TATDN2: variants seen among roughly 807,000 people sequenced by gnomAD.
TATDN2 encodes TatD DNase domain containing 2, also known as 3'-5' RNA nuclease TATDN2.
A neutral mutation model predicts 60.3 loss-of-function variants in TATDN2; 44 were observed. The observed-to-expected ratio is 0.73, with a 90% CI of 0.57 to 0.94. TATDN2 has a LOEUF of 0.94. Ranked by LOEUF, TATDN2 falls within the 40% of genes least tolerant of loss-of-function variation. The pLI, the probability that TATDN2 is intolerant of heterozygous loss-of-function variation, is 0.00. For missense variants in TATDN2, 997 were observed against 948.0 expected, an observed-to-expected ratio of 1.05 and a Z score of -0.68; for synonymous variants, 399 against 355.8, an observed-to-expected ratio of 1.12 and a Z score of -1.37.
rs755307422 is a variant in TATDN2, at chr3:10,278,292, G to A, written c.1975G>A (p.Gly659Ser). ...DYKIHRHCFT[G>S]SYPVIEPLLK... Reference sequence around the variant, plus strand: ...TTCTGTCTCCAGGCATTGCTTCACCGGCAGCTACCCGGTCATTGAGCCCCT... The same window carrying A: ...TTCTGTCTCCAGGCATTGCTTCACCAGCAGCTACCCGGTCATTGAGCCCCT... Residue 659 changes from glycine to serine, a missense_variant, in exon 6 of 8, where the codon GGC becomes AGC. Coordinates refer to ENST00000448281, the MANE Select transcript of TATDN2 (RefSeq NM_014760.4). This position sits in a 1 kb window ranked among gnomAD's most constrained non-coding sequence, Gnocchi z 4.7. 4 of 1,613,828 alleles carry A rather than the reference G, an allele frequency of 2.5e-6. No homozygotes were observed. Among genetic ancestry groups the A allele is most frequent in the South Asian group, 2.2e-5 (2 of 91,038 alleles).
In TATDN2 at chr3:10,267,065, G is replaced by A. The variant is rs912867300; in HGVS notation, c.949-3066G>A. On this transcript the variant is annotated intron_variant, in intron 3 of 7. Transcript: ENST00000448281. ...CTCCCGAGCAGCTGGGGTTACAGGC[G>A]TGCACAACCGCATTTGGCTAGTTTT... 4.6e-5 allele frequency among the ~76,000 whole-genome samples: 7 copies of A among 151,782 alleles called. No individual in the cohort carries two copies. In the South Asian group the frequency reaches 8.3e-4, roughly 18 times the overall value.
rs1698187122 is a variant in TATDN2, at chr3:10,249,430, G to A, written c.230G>A (p.Arg77Lys). 1 of 1,613,930 alleles carries A rather than the reference G, an allele frequency of 6.2e-7. No individual in the cohort carries two copies. ...TTATCCTGGGGCTCATCCCGCCGCA[G>A]AAATAACTCCTCCTCCTCCTTCTCC... Reference protein sequence around the residue: ...RRLSWGSSRRRNNSSSSFSPH... With the variant: ...RRLSWGSSRRKNNSSSSFSPH... Residue 77 changes from arginine (R) to lysine (K), a missense_variant, in exon 2 of 8, where the codon AGA becomes AAA. By Grantham distance (26) the Arg-to-Lys change is conservative (BLOSUM62 2). Transcript: ENST00000448281.
Position 10,249,630 on chromosome 3 carries a change from G to T in TATDN2, c.414+16G>T, listed in dbSNP as rs768205266. On this transcript the variant is annotated intron_variant, in intron 2 of 7. Transcript: ENST00000448281. ...CAGCCTTAAGGTAGGTGGCTGCCAC[G>T]CTTTGCAATCGGTGAAGCCCCTTCC... is the stretch of plus-strand genomic sequence containing the variant. The T allele has an allele frequency of 1.3e-5, 19 of 1,502,000 alleles. No homozygotes were observed. Among genetic ancestry groups the T allele is most frequent in the African/African-American group, 2.8e-5 (2 of 70,776 alleles). The allele number at this position is 1,502,000 out of a possible 1,614,324, so 93.0% of individuals were successfully genotyped here. A position where few individuals can be genotyped will look rare whatever the true frequency, so the allele number is the denominator to read the frequency against.
chr3:10,257,030 C>T (rs985264694), intron 2 of TATDN2, among the ~76,000 whole-genome samples: 5 of 151,782 alleles, frequency 3.3e-5, no homozygotes, highest in South Asian at 2.1e-4. Flanking sequence ...CACGGTGGCT[C>T]ATGCCTGTAA....
At position 10,249,623 on chromosome 3, in the gene TATDN2, C is replaced by A. The variant is rs377008533; in HGVS notation, c.414+9C>A. Reference sequence around the variant, plus strand: ...AAGCCTGCAGCCTTAAGGTAGGTGGCTGCCACGCTTTGCAATCGGTGAAGC... The same window carrying A: ...AAGCCTGCAGCCTTAAGGTAGGTGGATGCCACGCTTTGCAATCGGTGAAGC... On this transcript the variant is annotated intron_variant, in intron 2 of 7. Coordinates refer to ENST00000448281, the MANE Select transcript of TATDN2 (RefSeq NM_014760.4). The A allele has an allele frequency of 3.6e-4, 548 of 1,501,670 alleles. No homozygotes were observed. Among genetic ancestry groups the A allele is most frequent in the Non-Finnish European group, 4.3e-4 (486 of 1,125,770 alleles). The allele number at this position is 1,501,670 out of a possible 1,614,324, so 93.0% of individuals were successfully genotyped here.
In TATDN2 at chr3:10,260,282, A is replaced by C. The variant is rs1576007977; in HGVS notation, c.560A>C (p.Tyr187Ser). The C allele has an allele frequency of 2.5e-6, 4 of 1,614,220 alleles. No individual in the cohort carries two copies. The highest frequency in any genetic ancestry group is 3.4e-6 in the Non-Finnish European group (4 of 1,180,038). The change falls in exon 3 of 8, where the codon TAC (tyrosine) becomes TCC (serine). Residue 187 changes from tyrosine (Y) to serine (S), a missense_variant. By Grantham distance (144) the Tyr-to-Ser change is moderately radical. Coordinates refer to ENST00000448281, the MANE Select transcript of TATDN2 (RefSeq NM_014760.4). ...CGAGACCAGGGCTCCACAATGATCT[A>C]CCTGAAGGCTATCCAGGGCATCCTG... ...RLRDQGSTMI[Y>S]LKAIQGILGK...
Position 10,270,494 on chromosome 3 carries a change from G to C in TATDN2, c.1312G>C (p.Glu438Gln). 2 of 1,614,200 alleles carry C rather than the reference G, an allele frequency of 1.2e-6. No homozygotes were observed. The highest frequency in any genetic ancestry group is 2.2e-5 in the East Asian group (1 of 44,890). The change falls in exon 4 of 8, where the codon GAG becomes CAG. Residue 438 changes from glutamate to glutamine, a missense_variant. Coordinates refer to ENST00000448281, the MANE Select transcript of TATDN2 (RefSeq NM_014760.4). ...CACCTCCAGAGACATGGAGGCCTCA[G>C]AGGAAGGCTGGTCCCAGAATTCTCG... is the stretch of plus-strand genomic sequence containing the variant. ...QNTSRDMEASEEGWSQNSRSF... is the reference protein window; with the variant it reads ...QNTSRDMEASQEGWSQNSRSF...
intron 2 of TATDN2, among the ~76,000 whole-genome samples, chr3:10,251,226 C>T (rs1036822250): frequency 6.6e-6 from 1 of 151,932 alleles, no homozygotes. Context: ...GAGGAGTGGT[C>T]GCATGACTGC....
At position 10,264,978 on chromosome 3, in the gene TATDN2, A is replaced by G. The variant is rs1353175079; in HGVS notation, c.948+4308A>G. On this transcript the variant is annotated intron_variant, in intron 3 of 7. Transcript: ENST00000448281. ...GGCGTGAGCCACCGCGCCTGGCTCA[A>G]GTTTATCTTCTAACGTTTATGTTGA... 5.0e-5 allele frequency among the ~76,000 whole-genome samples: 7 copies of G among 139,968 alleles called. No homozygotes were observed. In the East Asian group the frequency reaches 1.0e-3, roughly 21 times the overall value. 91.8% of individuals were successfully genotyped at this position (139,968 alleles called of 152,430 possible).
Position 10,260,649 on chromosome 3 carries a change from C to A in TATDN2, c.927C>A (p.Asp309Glu). Residue 309 changes from aspartate (D) to glutamate (E), a missense_variant, in exon 3 of 8, where the codon GAC becomes GAA. Transcript: ENST00000448281. ...CCCTAGAGTTCTTGGATGACTCTGA[C>A]TCTCATTTAGAAATCCAAAAGGTGA... ...SPPLEFLDDS[D>E]SHLEIQKHKD... 6.2e-7 allele frequency: 1 copy of A among 1,613,404 alleles called. No individual in the cohort carries two copies.
In TATDN2 at chr3:10,278,777, AG is replaced by A; in HGVS notation, c.2146-105del. 1 of 1,542,220 alleles carries A rather than the reference AG, an allele frequency of 6.5e-7. No individual in the cohort carries two copies. The highest frequency in any genetic ancestry group is 8.8e-7 in the Non-Finnish European group (1 of 1,130,284). On this transcript the variant is annotated intron_variant, in intron 6 of 7. Transcript: ENST00000448281. This position sits in a 1 kb window ranked among gnomAD's most constrained non-coding sequence, Gnocchi z 4.7. ...CACCTGCAGGTAAAGGGGTCTCTACAGGGCAGCCCCAAAGAGGTCCTTGCTG... is the reference window on the plus strand; with the variant it reads ...CACCTGCAGGTAAAGGGGTCTCTACAGGCAGCCCCAAAGAGGTCCTTGCTG...
Position 10,268,101 on chromosome 3 carries a change from C to T in TATDN2, c.949-2030C>T, listed in dbSNP as rs934081978. ...GTGTATTGAATCACCAGATGCCCAT[C>T]ACCCAGCTTCAAGAGTTCAGATTAA... is the stretch of plus-strand genomic sequence containing the variant. On this transcript the variant is annotated intron_variant, in intron 3 of 7. Coordinates refer to ENST00000448281, the MANE Select transcript of TATDN2 (RefSeq NM_014760.4). 2.6e-5 allele frequency among the ~76,000 whole-genome samples: 4 copies of T among 152,222 alleles called. No individual in the cohort carries two copies. The East Asian group carries it at 7.7e-4, about 29-fold the overall frequency.
intron 4 of TATDN2, 143 bp downstream of exon 4, chr3:10,271,158 C>G (rs1698558252): frequency 3.0e-6 from 3 of 1,012,602 alleles, no homozygotes; most frequent in East Asian, 5.5e-5. Context: ...TCCAGACCAT[C>G]TAGATGCCAT....
chr3:10,260,085 G>A lies in TATDN2; in HGVS notation c.415-52G>A, dbSNP rs905488910. 56 of 1,551,082 alleles carry A rather than the reference G, an allele frequency of 3.6e-5. No homozygotes were observed. The Middle Eastern group carries it at 1.9e-3, about 52-fold the overall frequency. ...ATTTATAATTTGCCAAATGCTTCAT[G>A]TACGAAAGTGCCCTTGGAACAGCCC... On this transcript the variant is annotated intron_variant, in intron 2 of 7. Transcript: ENST00000448281.
intron 3 of TATDN2, among the ~76,000 whole-genome samples, chr3:10,262,719 G>C (rs1294148018): frequency 6.6e-6 from 1 of 150,772 alleles, no homozygotes; most frequent in Non-Finnish European, 1.5e-5. Flanking sequence ...ATTTTTGGTA[G>C]AGACAGAGTT....
intron 2 of TATDN2, among the ~76,000 whole-genome samples, chr3:10,255,450 C>T (rs578017806): frequency 1.1e-4 from 16 of 152,114 alleles, no homozygotes; most frequent in East Asian, 9.7e-4. Context: ...AGAAGTATGA[C>T]GGCTGTAGCA....
chr3:10,278,439 G>A lies in TATDN2; in HGVS notation c.2122G>A (p.Ala708Thr). The change falls in exon 6 of 8, where the codon GCT (alanine) becomes ACT (threonine). Residue 708 changes from alanine to threonine, a missense_variant. Coordinates refer to ENST00000448281, the MANE Select transcript of TATDN2 (RefSeq NM_014760.4). This position sits in a 1 kb window ranked among gnomAD's most constrained non-coding sequence, Gnocchi z 4.7. The stretch of plus-strand genomic sequence containing the variant: ...GGAGAGAATCATCGTGGAAACGGAT[G>A]CTCCCTATTTCCTCCCTCGCCAGGT... ...PLERIIVETD[A>T]PYFLPRQVPK... 1 of 1,613,604 alleles carries A rather than the reference G, an allele frequency of 6.2e-7. No homozygotes were observed. Among genetic ancestry groups the A allele is most frequent in the Non-Finnish European group, 8.5e-7 (1 of 1,179,600 alleles).
At chr3:10,276,628 GC>G in intron 5 of TATDN2, 140 bp downstream of exon 5, 1 of 1,247,580 alleles carries the variant, frequency 8.0e-7, no homozygotes, top group Non-Finnish European at 1.1e-6. Context: ...TCACCCTGTC[GC>G]CCAGGCTGGA....
At position 10,278,187 on chromosome 3, in the gene TATDN2, G is replaced by A. The variant is rs1698665640; in HGVS notation, c.1962-92G>A. 7.2e-7 allele frequency: 1 copy of A among 1,398,078 alleles called. No homozygotes were observed. Among genetic ancestry groups the A allele is most frequent in the Admixed American group, 2.1e-5 (1 of 48,422 alleles). The allele number at this position is 1,398,078 out of a possible 1,614,324, so 86.6% of individuals were successfully genotyped here. The stretch of plus-strand genomic sequence containing the variant: ...TAGGATGCAGTCTTTCCATTTCTGG[G>A]AATCATTGAAAAGGGGTGATGGGTG... On this transcript the variant is annotated intron_variant, in intron 5 of 7. Transcript: ENST00000448281. This position sits in a 1 kb window ranked among gnomAD's most constrained non-coding sequence, Gnocchi z 4.7.
Sources: allele counts gnomAD v4.1 joint callset (sites outside exome capture counted in the v4.1 genomes callset), GRCh38; gene constraint gnomAD v4.1.1; non-coding constraint Gnocchi (gnomAD v3.1); transcripts MANE v1.5; gene names NCBI Gene and HGNC (gene_info 2026-07-23, HGNC 2026-07-21).